Variants in ADGRF4 observed in about 807,000 individuals in gnomAD.
The protein encoded by ADGRF4 is adhesion G protein-coupled receptor F4, also known as G-protein coupled receptor PGR18.
ADGRF4 carries 63 observed loss-of-function variants against 58.5 expected under a neutral mutation model. That is an observed-to-expected ratio of 1.08 (90% CI 0.88 to 1.33). The LOEUF is 1.33. Among genes scored for constraint, ADGRF4 ranks in the 40% most tolerant of loss-of-function variants. ADGRF4 has a pLI of 0.00. For missense variants in ADGRF4, 931 were observed against 843.9 expected, an observed-to-expected ratio of 1.10 and a Z score of -1.28; for synonymous variants, 313 against 295.4, an observed-to-expected ratio of 1.06 and a Z score of -0.61.
At chr6:47,720,955 G>A (rs561528951) in intron 9 of ADGRF4, among the ~76,000 whole-genome samples, 16 of 152,152 alleles carry the variant, frequency 1.1e-4, no homozygotes, top group Non-Finnish European at 2.1e-4. Flanking sequence ...ACTGAGCACC[G>A]AGTTTAGGGT....
Position 47,714,442 on chromosome 6 carries a change from A to T in ADGRF4, c.1197A>T (p.Lys399Asn), listed in dbSNP as rs1236568594. 6.2e-7 allele frequency: 1 copy of T among 1,614,126 alleles called. No homozygotes were observed. The highest frequency in any genetic ancestry group is 8.5e-7 in the Non-Finnish European group (1 of 1,180,024). The change falls in exon 6 of 10, where the codon AAA (lysine) becomes AAT (asparagine). Residue 399 changes from lysine to asparagine, a missense_variant. Transcript: ENST00000283303. Reference sequence around the variant, plus strand: ...TGTCCTCCAAATCGATGACCGACAAAGTTCTGGACTACATCACCTGCATTG... The same window carrying T: ...TGTCCTCCAAATCGATGACCGACAATGTTCTGGACTACATCACCTGCATTG... The part of the protein sequence containing the change: ...ILMSSKSMTD[K>N]VLDYITCIGL...
At position 47,716,792 on chromosome 6, in the gene ADGRF4, C is replaced by A; in HGVS notation, c.1933-14C>A. The A allele has an allele frequency of 6.3e-7, 1 of 1,593,514 alleles. No individual in the cohort carries two copies. Among genetic ancestry groups the A allele is most frequent in the Non-Finnish European group, 8.6e-7 (1 of 1,167,060 alleles). On this transcript the variant is annotated splice_polypyrimidine_tract_variant and intron_variant, in intron 6 of 9. Coordinates refer to ENST00000283303, the MANE Select transcript of ADGRF4 (RefSeq NM_153838.5). ...AAAAACCATCCCTCATGAATCTGTT[C>A]AATTTTGCCACAGGGTTTTTTCATC...
intron 6 of ADGRF4, among the ~76,000 whole-genome samples, chr6:47,716,223 A>T (rs1772014831): frequency 6.6e-6 from 1 of 152,164 alleles, no homozygotes. Flanking sequence ...TCTTCCTAAA[A>T]TTTTAATCTG....
intron 8 of ADGRF4, 104 bp from the exon 9 acceptor site, chr6:47,718,285 C>T: frequency 1.3e-6 from 1 of 755,232 alleles, no homozygotes; most frequent in Non-Finnish European, 2.5e-6. Flanking sequence ...AGTGTGGGTA[C>T]TCCTTTTCAT....
chr6:47,699,725 A>T (rs1381119666), intron 1 of ADGRF4, among the ~76,000 whole-genome samples: 1 of 152,142 alleles, frequency 6.6e-6, no homozygotes, highest in Non-Finnish European at 1.5e-5. Flanking sequence ...TTCCATGGCA[A>T]GGGAGAACTC....
chr6:47,710,662 T>C, intron 3 of ADGRF4, 73 bp from the exon 4 acceptor site: 1 of 1,459,608 alleles, frequency 6.9e-7, no homozygotes, highest in East Asian at 2.3e-5. Flanking sequence ...AGAATGAATT[T>C]GATGCACCTG....
intron 1 of ADGRF4, among the ~76,000 whole-genome samples, chr6:47,700,088 T>C (rs1189038386): frequency 2.6e-5 from 4 of 152,188 alleles, no homozygotes; most frequent in Non-Finnish European, 5.9e-5. Context: ...GAAGAGGCAC[T>C]CCCTCTCACC....
chr6:47,719,070 A>T (rs1327887497), intron 9 of ADGRF4, among the ~76,000 whole-genome samples: 1 of 152,204 alleles, frequency 6.6e-6, no homozygotes, highest in Non-Finnish European at 1.5e-5. Context: ...CTGCATTGTT[A>T]TAGAAGAGTT....
intron 9 of ADGRF4, among the ~76,000 whole-genome samples, chr6:47,718,670 C>T (rs1406009043): frequency 6.6e-6 from 1 of 152,184 alleles, no homozygotes; most frequent in Non-Finnish European, 1.5e-5. Context: ...CATGACCAAA[C>T]CCATCACACC....
intron 4 of ADGRF4, 91 bp downstream of exon 4, chr6:47,710,977 A>C: frequency 7.9e-7 from 1 of 1,260,998 alleles, no homozygotes; most frequent in Non-Finnish European, 1.1e-6. Context: ...CATGACAAAA[A>C]GTCTCAGATC....
chr6:47,704,089 A>G (rs6908757), intron 1 of ADGRF4, among the ~76,000 whole-genome samples: 125,843 of 151,134 alleles, frequency 0.83, 52,816 homozygotes, highest in Middle Eastern at 0.9. Context: ...TGCTCTTGTC[A>G]CCCAGGCTAC....
intron 3 of ADGRF4, 115 bp from the exon 4 acceptor site, chr6:47,710,620 T>G: frequency 9.9e-7 from 1 of 1,010,252 alleles, no homozygotes; most frequent in East Asian, 2.5e-5. Flanking sequence ...TCAACCCAAT[T>G]GCCTCCTCCA....
intron 9 of ADGRF4, among the ~76,000 whole-genome samples, chr6:47,720,954 C>T (rs545357683): frequency 1.1e-3 from 173 of 152,176 alleles, no homozygotes; most frequent in African/African-American, 3.6e-3. Flanking sequence ...CACTGAGCAC[C>T]GAGTTTAGGG....
chr6:47,717,084 A>G (rs1043927582), intron 7 of ADGRF4, among the ~76,000 whole-genome samples: 1 of 152,216 alleles, frequency 6.6e-6, no homozygotes, highest in African/African-American at 2.4e-5. Flanking sequence ...TGGAAATCAT[A>G]ATCACAATTT....
Position 47,715,012 on chromosome 6 carries a change from T to C in ADGRF4, c.1767T>C (p.Ile589=). The C allele has an allele frequency of 2.5e-6, 4 of 1,613,432 alleles. No individual in the cohort carries two copies. The African/African-American group carries it at 4.0e-5, about 16-fold the overall frequency. ...VVAVNTQRPS[I]GSSKSQDVVI... ...CTGTCAACACTCAGAGGCCCTCTAT[T>C]GGCAGTTCCAAGTCTCAGGATGTGG... Residue 589 remains isoleucine (I), a synonymous_variant, in exon 6 of 10, where the codon ATT becomes ATC. Transcript: ENST00000283303.
chr6:47,720,632 G>A (rs959888500), intron 9 of ADGRF4, among the ~76,000 whole-genome samples: 38 of 152,094 alleles, frequency 2.5e-4, no homozygotes, highest in Admixed American at 1.3e-4. Flanking sequence ...GGGGAGAGAG[G>A]GCCACGGCAT....
Position 47,700,539 on chromosome 6 carries a change from C to A in ADGRF4, c.-17+1745C>A, listed in dbSNP as rs866999388. ...CTGGAGAAATAGGGTTTTATTAGTTCTGACTTATGGAGACAGTGTGGAAAA... is the reference window on the plus strand; with the variant it reads ...CTGGAGAAATAGGGTTTTATTAGTTATGACTTATGGAGACAGTGTGGAAAA... On this transcript the variant is annotated intron_variant, in intron 1 of 9. Transcript: ENST00000283303. 8.5e-5 allele frequency among the ~76,000 whole-genome samples: 13 copies of A among 152,310 alleles called. No individual in the cohort carries two copies. The Middle Eastern group carries it at 0.01, about 120-fold the overall frequency.
At position 47,715,508 on chromosome 6, in the gene ADGRF4, T is replaced by C. The variant is rs147351216; in HGVS notation, c.1932+331T>C. 1.8e-4 allele frequency: 36 copies of C among 196,592 alleles called. No individual in the cohort carries two copies. The East Asian group carries it at 3.9e-3, about 21-fold the overall frequency. 12.2% of individuals were successfully genotyped at this position (196,592 alleles called of 1,614,324 possible). ...CATGTTATGCCTCAAAACAAGCATA[T>C]TTTTTATCCTTTATCCAGTGGTTTG... On this transcript the variant is annotated intron_variant, in intron 6 of 9. Transcript: ENST00000283303.
chr6:47,706,505 A>G (rs909091658), intron 1 of ADGRF4, among the ~76,000 whole-genome samples: 1 of 152,190 alleles, frequency 6.6e-6, no homozygotes, highest in South Asian at 2.1e-4. Flanking sequence ...GTGGTTCTCA[A>G]CTGGGGGAGG....
Sources: allele counts gnomAD v4.1 joint callset (sites outside exome capture counted in the v4.1 genomes callset), GRCh38; gene constraint gnomAD v4.1.1; transcripts MANE v1.5; gene names NCBI Gene and HGNC (gene_info 2026-07-23, HGNC 2026-07-21).